Variants in MAGI2 observed in about 807,000 individuals in gnomAD.
MAGI2 encodes membrane-associated guanylate kinase, WW and PDZ domain-containing protein 2.
In MAGI2, 35 loss-of-function variants were observed where a neutral mutation model predicts 133.3. The observed-to-expected ratio is 0.26, with a 90% CI of 0.20 to 0.35. The LOEUF (loss-of-function observed/expected upper bound fraction) is 0.35, where lower values mean the gene tolerates loss of function less well. Among genes scored for constraint, MAGI2 ranks in the 10% least tolerant of loss-of-function variants. The pLI is 1.00. For missense variants in MAGI2, 1,636 were observed against 1,863.4 expected (o/e 0.88, Z 2.25); for synonymous variants, 729 against 710.6 (o/e 1.03, Z -0.41).
chr7:78,762,194 A>G (rs1349640931), intron 2 of MAGI2, among the ~76,000 whole-genome samples: 1 of 152,182 alleles, frequency 6.6e-6, no homozygotes, highest in Non-Finnish European at 1.5e-5. Context: ...CTGTAATCCC[A>G]GCACTTTGGG....
chr7:78,741,557 A>C (rs1488111819), intron 2 of MAGI2, among the ~76,000 whole-genome samples: 1 of 151,948 alleles, frequency 6.6e-6, no homozygotes, highest in Non-Finnish European at 1.5e-5. Flanking sequence ...ATACAGTAGA[A>C]ACTTAGAAAG....
intron 9 of MAGI2, among the ~76,000 whole-genome samples, chr7:78,300,901 G>T (rs1225990121): frequency 6.6e-6 from 1 of 152,150 alleles, no homozygotes; most frequent in African/African-American, 2.4e-5. Context: ...CAATTGGGAG[G>T]CGTGCTTATT....
chr7:78,071,530 C>G (rs1326593667), intron 21 of MAGI2, among the ~76,000 whole-genome samples: 3 of 152,062 alleles, frequency 2.0e-5, no homozygotes, highest in Non-Finnish European at 4.4e-5. Flanking sequence ...GAGCCAGACC[C>G]TGTCCCCGCT....
chr7:78,867,162 C>A (rs898433272), intron 2 of MAGI2, among the ~76,000 whole-genome samples: 35 of 150,742 alleles, frequency 2.3e-4, no homozygotes, highest in African/African-American at 7.1e-4. Context: ...ACTAGAAATA[C>A]CATTTGACCC....
chr7:79,079,260 A>G (rs780548864), intron 1 of MAGI2, among the ~76,000 whole-genome samples: 1 of 152,190 alleles, frequency 6.6e-6, no homozygotes, highest in African/African-American at 2.4e-5. Context: ...CATGGTAAGC[A>G]CCTAGAATCT....
At chr7:79,168,889 G>GATAGATATAT (rs1396243710) in intron 1 of MAGI2, among the ~76,000 whole-genome samples, 46 of 14,544 alleles carry the variant, frequency 3.2e-3, no homozygotes, top group South Asian at 7.3e-3. Context: ...TCTAAAGATA[G>GATAGATATAT]ATATATATAT....
intron 1 of MAGI2, among the ~76,000 whole-genome samples, chr7:79,159,709 T>C (rs947770481): frequency 1.3e-5 from 2 of 152,102 alleles, no homozygotes; most frequent in Non-Finnish European, 2.9e-5. Flanking sequence ...TTTAACATTC[T>C]TCAGACTGAT....
chr7:79,367,858 C>CATATATATATATAT lies in MAGI2; in HGVS notation c.301+85148_301+85161dup, dbSNP rs367920302. Reference sequence around the variant, plus strand: ...CATATATATATGCTTATATATGTGACATATATATATATATATATGTCATTG... The same window carrying CATATATATATATAT: ...CATATATATATGCTTATATATGTGACATATATATATATATATATATATATATATATATGTCATTG... On this transcript the variant is annotated intron_variant, in intron 1 of 21. Transcript: ENST00000354212. Among the ~76,000 whole-genome samples, 210 of 87,126 alleles carry CATATATATATATAT rather than the reference C, an allele frequency of 2.4e-3. 13 individuals carry two copies. Among genetic ancestry groups the CATATATATATATAT allele is most frequent in the East Asian group, 7.9e-3 (21 of 2,650 alleles). The allele number at this position is 87,126 out of a possible 152,430, so 57.2% of individuals were successfully genotyped here.
rs377421614 is a variant in MAGI2, at chr7:78,018,093, A to T, written c.*1222T>A. 8 of 152,380 alleles carry T rather than the reference A, an allele frequency of 5.3e-5. No homozygotes were observed. The East Asian group carries it at 1.2e-3, about 22-fold the overall frequency. The allele number at this position is 152,380 out of a possible 1,614,324, so 9.4% of individuals were successfully genotyped here. A position where few individuals can be genotyped will look rare whatever the true frequency, so the allele number is the denominator to read the frequency against. On this transcript the variant is annotated 3_prime_UTR_variant, in exon 22 of 22. Transcript: ENST00000354212. ...AATTTTACTAGGAGGTCAATCATAG[A>T]TCCATGAAGATAAACATCTAGAAGT...
chr7:78,693,543 A>C (rs1817190406), intron 2 of MAGI2, among the ~76,000 whole-genome samples: 1 of 152,214 alleles, frequency 6.6e-6, no homozygotes, highest in Non-Finnish European at 1.5e-5. Flanking sequence ...TCCTGTCTAC[A>C]GATATTTTCA....
At chr7:79,411,816 A>C (rs1349686373) in intron 1 of MAGI2, 1 of 152,080 alleles carries the variant, frequency 6.6e-6, no homozygotes, top group East Asian at 1.9e-4. Context: ...TCTTCAACTG[A>C]AAATACATAA....
At chr7:78,792,389 C>T (rs893728307) in intron 2 of MAGI2, among the ~76,000 whole-genome samples, 2 of 152,116 alleles carry the variant, frequency 1.3e-5, no homozygotes, top group African/African-American at 4.8e-5. Flanking sequence ...TTATTTAAAG[C>T]CGCACTTTTT....
At chr7:79,009,346 C>T (rs987290343) in intron 1 of MAGI2, among the ~76,000 whole-genome samples, 9 of 151,540 alleles carry the variant, frequency 5.9e-5, no homozygotes, top group African/African-American at 1.7e-4. Flanking sequence ...GAAGAACTGT[C>T]GAAACTTTTA....
At chr7:78,843,871 C>T (rs544912751) in intron 2 of MAGI2, among the ~76,000 whole-genome samples, 123 of 150,834 alleles carry the variant, frequency 8.2e-4, no homozygotes, top group African/African-American at 2.9e-3. Flanking sequence ...TGAGGGTTGG[C>T]TTTCTTATTT....
chr7:79,392,492 C>T (rs976963933), intron 1 of MAGI2, among the ~76,000 whole-genome samples: 17 of 152,172 alleles, frequency 1.1e-4, no homozygotes, highest in Admixed American at 1.0e-3. Flanking sequence ...AAAAGCATTC[C>T]TATTTCTCCA....
chr7:78,848,772 C>T (rs574077569), intron 2 of MAGI2, among the ~76,000 whole-genome samples: 1 of 152,124 alleles, frequency 6.6e-6, no homozygotes, highest in East Asian at 1.9e-4. Context: ...AGGTCTCTGC[C>T]AAAATATATC....
chr7:79,214,720 TATATAAATATATAA>T lies in MAGI2; in HGVS notation c.302-207528_302-207515del, dbSNP rs1331685556. On this transcript the variant is annotated intron_variant, in intron 1 of 21. Transcript: ENST00000354212. Reference sequence around the variant, plus strand: ...ATACATAAATATACATAAATATAAATATATAAATATATAAATATAAATATATAAATACATATATG... The same window carrying T: ...ATACATAAATATACATAAATATAAATATATAAATATATAAATACATATATG... Among the ~76,000 whole-genome samples the T allele has an allele frequency of 8.8e-3, 1,233 of 139,594 alleles. 28 individuals carry two copies. Among genetic ancestry groups the T allele is most frequent in the African/African-American group, 0.03 (1,156 of 37,916 alleles). The allele number at this position is 139,594 out of a possible 152,430, so 91.6% of individuals were successfully genotyped here. A position where few individuals can be genotyped will look rare whatever the true frequency, so the allele number is the denominator to read the frequency against.
chr7:78,070,604 GTGTATATATATA>G (rs1814561758), intron 21 of MAGI2, among the ~76,000 whole-genome samples: 1 of 44,610 alleles, frequency 2.2e-5, no homozygotes, highest in African/African-American at 4.8e-5. Context: ...GTGTATATAT[GTGTATATATATA>G]TGTGTGTGTG....
chr7:79,303,554 A>T (rs192343463), intron 1 of MAGI2, among the ~76,000 whole-genome samples: 2 of 152,320 alleles, frequency 1.3e-5, no homozygotes, highest in Admixed American at 6.5e-5. Flanking sequence ...ATTCTAGTAA[A>T]TAGGAAGATA....
Sources: allele counts gnomAD v4.1 joint callset (sites outside exome capture counted in the v4.1 genomes callset), GRCh38; gene constraint gnomAD v4.1.1; transcripts MANE v1.5; gene names NCBI Gene and HGNC (gene_info 2026-07-23, HGNC 2026-07-21).